The following CD99L2 variants were observed in gnomAD, a reference collection of about 807,000 sequenced individuals.
CD99L2 encodes the protein CD99 molecule like 2.
Under a neutral mutation model 27.3 loss-of-function variants are expected in CD99L2, and 24 were observed. The ratio of observed to expected loss-of-function variants is 0.88; its 90% CI spans 0.64 to 1.24. The LOEUF (loss-of-function observed/expected upper bound fraction) is 1.24. Among genes scored for constraint, CD99L2 ranks in the 50% most tolerant of loss-of-function variants. The pLI is 0.00. For missense variants in CD99L2, 255 were observed against 221.6 expected (o/e 1.15, Z -0.96); for synonymous variants, 97 against 87.9 (o/e 1.10, Z -0.58).
intron 7 of CD99L2, among the ~76,000 whole-genome samples, chrX:150,782,030 C>T (rs950632351): frequency 8.9e-6 from 1 of 111,816 alleles, no homozygotes; most frequent in Non-Finnish European, 1.9e-5. Flanking sequence ...CTGGGCTCAC[C>T]GTGAGTGCCT....
intron 1 of CD99L2, among the ~76,000 whole-genome samples, chrX:150,887,852 A>C (rs1337406843): frequency 8.9e-6 from 1 of 112,016 alleles, no homozygotes; most frequent in African/African-American, 3.2e-5. Context: ...GACACTAACA[A>C]ATATACCTCA....
chrX:150,880,062 A>G (rs2124366322), intron 1 of CD99L2, among the ~76,000 whole-genome samples: 1 of 111,842 alleles, frequency 8.9e-6, no homozygotes, highest in Admixed American at 9.6e-5. Context: ...GAAAATAACA[A>G]GTGTTGGCAA....
chrX:150,845,157 C>T (rs1295422780), intron 1 of CD99L2, among the ~76,000 whole-genome samples: 2 of 111,470 alleles, frequency 1.8e-5, no homozygotes, highest in Admixed American at 9.5e-5. Flanking sequence ...CAAGGAAATC[C>T]CAAATGTGCC....
At position 150,769,108 on chromosome X, in the gene CD99L2, GA is replaced by G; in HGVS notation, c.722-8del. Reference sequence around the variant, plus strand: ...TGCAACGTGGAGTATTTCACTAGGGGAAAAAGAGGCCGTCAGAAGGAATTCT... The same window carrying G: ...TGCAACGTGGAGTATTTCACTAGGGGAAAAGAGGCCGTCAGAAGGAATTCT... On this transcript the variant is annotated splice_region_variant and splice_polypyrimidine_tract_variant and intron_variant, in intron 10 of 10. Coordinates refer to ENST00000370377, the MANE Select transcript of CD99L2 (RefSeq NM_031462.4). 4 of 1,162,048 alleles carry G rather than the reference GA, an allele frequency of 3.4e-6. No homozygotes were observed. The highest frequency in any genetic ancestry group is 5.8e-5 in the Admixed American group (2 of 34,276).
At chrX:150,826,234 T>C (rs1264100035) in intron 2 of CD99L2, among the ~76,000 whole-genome samples, 1 of 111,829 alleles carries the variant, frequency 8.9e-6, no homozygotes, top group African/African-American at 3.3e-5. Context: ...GAGCAATATA[T>C]TTCTGTTATT....
intron 2 of CD99L2, chrX:150,828,987 C>T (rs1473728080): frequency 9.0e-6 from 1 of 110,857 alleles, no homozygotes. Flanking sequence ...AAGGAAATGG[C>T]AATACAGGTC....
intron 10 of CD99L2, 94 bp downstream of exon 10, chrX:150,770,210 C>T (rs1557418980): frequency 1.2e-6 from 1 of 864,143 alleles, no homozygotes; most frequent in East Asian, 3.1e-5. Flanking sequence ...AAGCAGACGC[C>T]TCTGTGCTTC....
At chrX:150,851,066 T>C (rs1386622254) in intron 1 of CD99L2, among the ~76,000 whole-genome samples, 1 of 111,468 alleles carries the variant, frequency 9.0e-6, no homozygotes. Context: ...CTTGAACTCC[T>C]GACCTCAGGT....
chrX:150,775,972 C>G (rs1349163336), intron 9 of CD99L2, among the ~76,000 whole-genome samples: 2 of 112,453 alleles, frequency 1.8e-5, no homozygotes, highest in Non-Finnish European at 3.8e-5. Context: ...CCCACGCGCT[C>G]TTGCAGGGTG....
At position 150,770,294 on chromosome X, in the gene CD99L2, A is replaced by G; in HGVS notation, c.721+10T>C. On this transcript the variant is annotated intron_variant, in intron 10 of 10. Transcript: ENST00000370377. The stretch of plus-strand genomic sequence containing the variant: ...GCGTCAGCAAGGGACAGTGAGTACA[A>G]AGTTCTCACCTTGGGGTTCCTCACA... The G allele has an allele frequency of 8.3e-7, 1 of 1,207,010 alleles. No individual in the cohort carries two copies. Among genetic ancestry groups the G allele is most frequent in the African/African-American group, 1.7e-5 (1 of 57,796 alleles).
intron 6 of CD99L2, among the ~76,000 whole-genome samples, chrX:150,794,832 G>C (rs2045764803): frequency 8.9e-6 from 1 of 112,355 alleles, no homozygotes; most frequent in South Asian, 3.7e-4. Context: ...AGACATGAGA[G>C]AAATCTGCAA....
intron 2 of CD99L2, among the ~76,000 whole-genome samples, chrX:150,824,695 G>GGAAGAAGAA (rs1281944172): frequency 2.7e-5 from 2 of 74,893 alleles, no homozygotes; most frequent in Admixed American, 1.6e-4. Flanking sequence ...AAGAGGAAGA[G>GGAAGAAGAA]GAAGAGGAAG....
At chrX:150,825,739 T>C (rs1181306062) in intron 2 of CD99L2, among the ~76,000 whole-genome samples, 1 of 112,407 alleles carries the variant, frequency 8.9e-6, no homozygotes, top group Non-Finnish European at 1.9e-5. Flanking sequence ...ACTTAGCTCC[T>C]AAAATAAAGA....
chrX:150,788,200 T>C (rs1184718613), intron 7 of CD99L2, among the ~76,000 whole-genome samples: 1 of 110,926 alleles, frequency 9.0e-6, no homozygotes, highest in Non-Finnish European at 1.9e-5. Context: ...TCCAACACGA[T>C]CAAGTAGACT....
intron 4 of CD99L2, among the ~76,000 whole-genome samples, chrX:150,803,994 C>A (rs2045957857): frequency 8.9e-6 from 1 of 112,070 alleles, no homozygotes. Context: ...CAACAATGGA[C>A]AAGTCATCCA....
intron 4 of CD99L2, among the ~76,000 whole-genome samples, chrX:150,804,253 G>GA (rs782231440): frequency 1.8e-5 from 2 of 112,144 alleles, no homozygotes; most frequent in African/African-American, 6.5e-5. Flanking sequence ...TTTGAACAGA[G>GA]AATTGGAAAA....
intron 2 of CD99L2, among the ~76,000 whole-genome samples, chrX:150,824,411 AAAGAAGAAGAAAAGAG>A (rs2046314736): frequency 9.7e-6 from 1 of 102,641 alleles, no homozygotes; most frequent in South Asian, 4.6e-4. Context: ...AAGAAGAAGA[AAAGAAGAAGAAAAGAG>A]AAGAAGAAGA....
At chrX:150,856,569 A>AAATAATAATAATAATAATAATAAT (rs10564205) in intron 1 of CD99L2, among the ~76,000 whole-genome samples, 1 of 98,696 alleles carries the variant, frequency 1.0e-5, no homozygotes, top group South Asian at 5.1e-4. Context: ...AGCCAGGCTA[A>AAATAATAATAATAATAATAATAAT]AATAATAATA....
chrX:150,890,030 G>A (rs2047480973), intron 1 of CD99L2, among the ~76,000 whole-genome samples: 1 of 110,284 alleles, frequency 9.1e-6, no homozygotes, highest in Non-Finnish European at 1.9e-5. Flanking sequence ...GTGGGCGCCT[G>A]TAGTCCCAGC....
Sources: gnomAD v4.1 joint callset for allele counts (sites outside exome capture counted in the v4.1 genomes callset) on GRCh38, gnomAD v4.1.1 for gene constraint, MANE v1.5 for transcripts, NCBI Gene and HGNC (gene_info 2026-07-23, HGNC 2026-07-21) for gene names.